Variants in LIMCH1 observed in about 807,000 individuals in gnomAD.
LIMCH1 encodes the protein LIM and calponin homology domains-containing protein 1.
A neutral mutation model predicts 176.5 loss-of-function variants in LIMCH1; 113 were observed. That is an observed-to-expected ratio of 0.64 (90% CI 0.55 to 0.75). The LOEUF is 0.75. Among genes scored for constraint, LIMCH1 ranks in the 30% least tolerant of loss-of-function variants. LIMCH1 has a pLI of 0.00. For synonymous variants in LIMCH1, 619 were observed against 645.9 expected, an observed-to-expected ratio of 0.96 and a Z score of 0.63; for missense variants, 1,674 against 1,814.9, an observed-to-expected ratio of 0.92 and a Z score of 1.41.
chr4:41,600,156 A>G (rs1237585683), intron 2 of LIMCH1, among the ~76,000 whole-genome samples: 2 of 152,226 alleles, frequency 1.3e-5, no homozygotes, highest in African/African-American at 2.4e-5. Context: ...TCTGTTGTCA[A>G]TATGCCATTC....
At chr4:41,532,697 A>G (rs2152444743) in intron 3 of LIMCH1, among the ~76,000 whole-genome samples, 1 of 152,322 alleles carries the variant, frequency 6.6e-6, no homozygotes, top group Non-Finnish European at 1.5e-5. Flanking sequence ...CCAATAAGTT[A>G]GTCCCCTTGC....
chr4:41,603,483 A>G (rs2090265077), intron 2 of LIMCH1, among the ~76,000 whole-genome samples: 1 of 152,226 alleles, frequency 6.6e-6, no homozygotes, highest in South Asian at 2.1e-4. Flanking sequence ...CCTGTGTTAA[A>G]AATACTTGCA....
chr4:41,578,747 G>A (rs1385099319), intron 1 of LIMCH1, among the ~76,000 whole-genome samples: 1 of 150,824 alleles, frequency 6.6e-6, no homozygotes, highest in Non-Finnish European at 1.5e-5. Context: ...TCCTTTGATA[G>A]GGTCTCACTT....
intron 1 of LIMCH1, among the ~76,000 whole-genome samples, chr4:41,419,681 C>CA (rs1554040110): frequency 1.8e-5 from 1 of 56,294 alleles, no homozygotes; most frequent in African/African-American, 1.0e-4. Flanking sequence ...TCCTTCCTTC[C>CA]TCCTTCCTTC....
At chr4:41,640,274 G>A (rs940267103) in intron 14 of LIMCH1, among the ~76,000 whole-genome samples, 1 of 152,216 alleles carries the variant, frequency 6.6e-6, no homozygotes, top group African/African-American at 2.4e-5. Context: ...AAGATTGACA[G>A]GCAAAACACT....
At chr4:41,678,729 C>CAT (rs1713159943) in intron 23 of LIMCH1, among the ~76,000 whole-genome samples, 1 of 150,008 alleles carries the variant, frequency 6.7e-6, no homozygotes, top group African/African-American at 2.4e-5. Flanking sequence ...AGAGAGAGAT[C>CAT]GTGTGTGTGT....
At chr4:41,653,732 C>T (rs1046246774) in intron 18 of LIMCH1, among the ~76,000 whole-genome samples, 7 of 152,216 alleles carry the variant, frequency 4.6e-5, no homozygotes, top group Non-Finnish European at 7.3e-5. Flanking sequence ...GCGTGTGGAG[C>T]GTCAGCATCT....
intron 1 of LIMCH1, among the ~76,000 whole-genome samples, chr4:41,444,313 TACACACACACACACACACAC>T (rs71198657): frequency 1.5e-5 from 2 of 134,180 alleles, no homozygotes; most frequent in African/African-American, 3.2e-5. Flanking sequence ...TGTATATATA[TACACACACACACACACACAC>T]ACACACACAC....
rs10023144 is a variant in LIMCH1 at position 41,546,060 on chromosome 4, A to G, written c.-241+7710A>G. Among the ~76,000 whole-genome samples the G allele has an allele frequency of 2.5e-3, 381 of 152,326 alleles. 2 individuals carry two copies. Among genetic ancestry groups the G allele is most frequent in the African/African-American group, 8.8e-3 (364 of 41,574 alleles). Reference sequence around the variant, plus strand: ...TTTCTAAGCAGATATTTGATGATATATTGTTATAGGAATAAAAAATATGTT... The same window carrying G: ...TTTCTAAGCAGATATTTGATGATATGTTGTTATAGGAATAAAAAATATGTT... On this transcript the variant is annotated intron_variant, in intron 1 of 31. Coordinates refer to ENST00000503057, the MANE Select transcript of LIMCH1 (RefSeq NM_001330672.2).
At chr4:41,369,057 T>G (rs769389487) in intron 1 of LIMCH1, among the ~76,000 whole-genome samples, 3 of 152,218 alleles carry the variant, frequency 2.0e-5, no homozygotes, top group Non-Finnish European at 4.4e-5. Context: ...TTTTCCCAAA[T>G]TCTTCCAAAA....
chr4:41,637,816 G>A (rs144796383), intron 13 of LIMCH1, among the ~76,000 whole-genome samples: 2 of 152,156 alleles, frequency 1.3e-5, no homozygotes, highest in Non-Finnish European at 2.9e-5. Flanking sequence ...ATTCTGGGGT[G>A]TTTTCTCTAA....
At chr4:41,478,747 T>G (rs1239217757) in intron 1 of LIMCH1, among the ~76,000 whole-genome samples, 1 of 152,196 alleles carries the variant, frequency 6.6e-6, no homozygotes, top group Non-Finnish European at 1.5e-5. Flanking sequence ...CCATCCTCAT[T>G]GGTAACGTCA....
chr4:41,505,908 T>C (rs2074090730), intron 2 of LIMCH1, among the ~76,000 whole-genome samples: 1 of 147,724 alleles, frequency 6.8e-6, no homozygotes, highest in South Asian at 2.2e-4. Context: ...AGTATTATTC[T>C]CTCTCTCTGT....
At chr4:41,630,755 G>A (rs1265055499) in intron 9 of LIMCH1, among the ~76,000 whole-genome samples, 2 of 152,142 alleles carry the variant, frequency 1.3e-5, no homozygotes, top group African/African-American at 4.8e-5. Flanking sequence ...AGAGGCTCAA[G>A]TTCCTTATAT....
chr4:41,392,051 G>A (rs1237423210), intron 1 of LIMCH1, among the ~76,000 whole-genome samples: 1 of 152,138 alleles, frequency 6.6e-6, no homozygotes, highest in Non-Finnish European at 1.5e-5. Flanking sequence ...TGTTGTGAAT[G>A]AGAACCATGT....
intron 3 of LIMCH1, among the ~76,000 whole-genome samples, chr4:41,528,739 C>T (rs1222089544): frequency 6.6e-6 from 1 of 152,018 alleles, no homozygotes; most frequent in East Asian, 1.9e-4. Flanking sequence ...GTTGAGAAGC[C>T]AATCCATTAA....
intron 1 of LIMCH1, among the ~76,000 whole-genome samples, chr4:41,593,591 A>G (rs543942797): frequency 9.8e-5 from 15 of 152,306 alleles, no homozygotes; most frequent in African/African-American, 3.6e-4. Context: ...TTTTTTGGGA[A>G]AAATCTCAAA....
At chr4:41,581,578 G>A (rs978859171) in intron 1 of LIMCH1, among the ~76,000 whole-genome samples, 14 of 152,026 alleles carry the variant, frequency 9.2e-5, no homozygotes, top group African/African-American at 3.1e-4. Flanking sequence ...AGGCCAAGGC[G>A]GGTGGATCCC....
chr4:41,578,143 G>A (rs890483578), intron 1 of LIMCH1, among the ~76,000 whole-genome samples: 2 of 152,128 alleles, frequency 1.3e-5, no homozygotes, highest in Non-Finnish European at 2.9e-5. Flanking sequence ...TAATTTATAA[G>A]GAGGTTTAAT....
Sources: allele counts gnomAD v4.1 joint callset (sites outside exome capture counted in the v4.1 genomes callset), GRCh38; gene constraint gnomAD v4.1.1; transcripts MANE v1.5; gene names NCBI Gene and HGNC (gene_info 2026-07-23, HGNC 2026-07-21).